The following NCR1 variants were observed in gnomAD, a reference collection of about 807,000 sequenced individuals.
NCR1 encodes the protein natural cytotoxicity triggering receptor 1.
Under a neutral mutation model 32.5 loss-of-function variants are expected in NCR1, and 30 were observed. The ratio of observed to expected loss-of-function variants is 0.92; its 90% CI spans 0.69 to 1.25. The LOEUF is 1.25. Among genes scored for constraint, NCR1 ranks in the 50% most tolerant of loss-of-function variants. NCR1 has a pLI of 0.00. For missense variants in NCR1, 369 were observed against 380.7 expected (o/e 0.97, Z 0.26); for synonymous variants, 169 against 143.4 (o/e 1.18, Z -1.28).
the NCR1 span, among the ~76,000 whole-genome samples, chr19:54,923,143 C>G: frequency 2.0e-5 from 3 of 152,150 alleles, no homozygotes; most frequent in African/African-American, 7.2e-5. Context: ...CCATGGCCCA[C>G]GAGCTGTTTC....
Position 54,906,574 on chromosome 19 carries a change from A to C in NCR1, c.122A>C (p.Lys41Thr). 1 of 1,613,454 alleles carries C rather than the reference A, an allele frequency of 6.2e-7. No individual in the cohort carries two copies. Among genetic ancestry groups the C allele is most frequent in the Non-Finnish European group, 8.5e-7 (1 of 1,180,032 alleles). Residue 41 changes from lysine (K) to threonine (T), a missense_variant, in exon 3 of 7, where the codon AAG becomes ACG. By Grantham distance (78) the Lys-to-Thr change is moderately conservative. Coordinates refer to ENST00000291890, the MANE Select transcript of NCR1 (RefSeq NM_004829.7). ...IWAEPHFMVP[K>T]EKQVTICCQG... The stretch of plus-strand genomic sequence containing the variant: ...GCCGAGCCCCATTTCATGGTTCCAA[A>C]GGAAAAGCAAGTGACCATCTGTTGC...
the NCR1 span, chr19:54,930,806 C>A: frequency 3.9e-5 from 29 of 737,358 alleles, no homozygotes; most frequent in East Asian, 8.0e-4. Flanking sequence ...ACCTCTGCCT[C>A]CCAGGTTCAA....
chr19:54,917,076 C>T (rs115574891), downstream of NCR1, among the ~76,000 whole-genome samples: 1,667 of 152,014 alleles, frequency 0.011, 32 homozygotes, highest in African/African-American at 0.037. Flanking sequence ...GTATTTGACA[C>T]GTTGACCACT....
At chr19:54,928,529 G>A in the NCR1 span, among the ~76,000 whole-genome samples, 1 of 152,136 alleles carries the variant, frequency 6.6e-6, no homozygotes, top group Non-Finnish European at 1.5e-5. Flanking sequence ...ATGTTCTATT[G>A]AAGACAATGG....
chr19:54,936,307 G>A, the NCR1 span: 2 of 1,613,946 alleles, frequency 1.2e-6, no homozygotes, highest in Non-Finnish European at 8.5e-7. Flanking sequence ...AGGTCACACA[G>A]CATCAGCATC....
At chr19:54,925,556 G>C in the NCR1 span, among the ~76,000 whole-genome samples, 624 of 152,030 alleles carry the variant, frequency 4.1e-3, 5 homozygotes, top group Admixed American at 7.6e-3. Flanking sequence ...CTGCAATCCG[G>C]GTACTTTGTG....
downstream of NCR1, among the ~76,000 whole-genome samples, chr19:54,920,910 A>G (rs527283238): frequency 6.6e-6 from 1 of 152,208 alleles, no homozygotes; most frequent in East Asian, 1.9e-4. Flanking sequence ...GTTTGAGACT[A>G]GCCTGGCCAA....
At chr19:54,914,730 C>A (rs558232827), downstream of NCR1, among the ~76,000 whole-genome samples, 2 of 147,930 alleles carry the variant, frequency 1.4e-5, no homozygotes, top group African/African-American at 2.5e-5. Context: ...ACTCCGACTT[C>A]ACAAAGATAG....
the NCR1 span, chr19:54,933,730 G>T: frequency 6.2e-7 from 1 of 1,614,066 alleles, no homozygotes; most frequent in Non-Finnish European, 8.5e-7. Context: ...TAAGACGACA[G>T]TTTTCCAACC....
chr19:54,900,554 C>A, the NCR1 span, among the ~76,000 whole-genome samples: 1 of 151,998 alleles, frequency 6.6e-6, no homozygotes, highest in Non-Finnish European at 1.5e-5. Flanking sequence ...ACATACAGGC[C>A]ACAGGGGGAT....
At chr19:54,918,222 G>A (rs552812467), downstream of NCR1, among the ~76,000 whole-genome samples, 8 of 151,884 alleles carry the variant, frequency 5.3e-5, no homozygotes, top group East Asian at 1.4e-3. Context: ...GTAAGCCACC[G>A]CACCCGGCCT....
downstream of NCR1, among the ~76,000 whole-genome samples, chr19:54,913,729 C>A (rs1417314510): frequency 6.6e-6 from 1 of 151,556 alleles, no homozygotes; most frequent in Non-Finnish European, 1.5e-5. Flanking sequence ...GTCAGGAGTT[C>A]GAGACCAGCC....
the NCR1 span, chr19:54,923,900 C>G: frequency 2.2e-6 from 3 of 1,336,726 alleles, no homozygotes; most frequent in Non-Finnish European, 3.0e-6. Flanking sequence ...CACAAATGTT[C>G]CCAGAAATTC....
upstream of NCR1, among the ~76,000 whole-genome samples, chr19:54,904,888 A>G (rs999944380): frequency 1.3e-5 from 2 of 152,132 alleles, no homozygotes; most frequent in African/African-American, 4.8e-5. Context: ...CTCTAGCTGC[A>G]TCCATGTTGC....
chr19:54,899,058 C>T, the NCR1 span, among the ~76,000 whole-genome samples: 8,561 of 151,796 alleles, frequency 0.056, 305 homozygotes, highest in Admixed American at 0.11. Flanking sequence ...ACGGGACAGG[C>T]GGGAGGGAAA....
chr19:54,935,922 C>T, the NCR1 span, among the ~76,000 whole-genome samples: 3 of 151,798 alleles, frequency 2.0e-5, no homozygotes, highest in Non-Finnish European at 2.9e-5. Flanking sequence ...GTGGAAAAAA[C>T]TGTCTTGTGC....
intron 5 of NCR1, among the ~76,000 whole-genome samples, chr19:54,910,672 CTG>C (rs942847035): frequency 1.3e-5 from 2 of 152,188 alleles, no homozygotes; most frequent in African/African-American, 4.8e-5. Flanking sequence ...GATATCTTGA[CTG>C]TGCAGCACTT....
chr19:54,913,055 CTTTT>C lies in NCR1; in HGVS notation c.*196_*199del, dbSNP rs200118432. On this transcript the variant is annotated 3_prime_UTR_variant, in exon 7 of 7. Transcript: ENST00000291890. ...GGTGGGAGAACTACATGCTAAATTT[CTTTT>C]TTTTTTTTTTTGAGACAGAGTTTTC... 4.3e-3 allele frequency: 1,840 copies of C among 429,588 alleles called. No homozygotes were observed. The highest frequency in any genetic ancestry group is 0.027 in the East Asian group (696 of 26,208). 26.6% of individuals were successfully genotyped at this position (429,588 alleles called of 1,614,324 possible). A position where few individuals can be genotyped will look rare whatever the true frequency, so the allele number is the denominator to read the frequency against.
the NCR1 span, among the ~76,000 whole-genome samples, chr19:54,928,978 G>C: frequency 6.6e-6 from 1 of 152,082 alleles, no homozygotes; most frequent in Admixed American, 6.6e-5. Flanking sequence ...AAGACACCAG[G>C]TAATCCACCC....
Sources: allele counts gnomAD v4.1 joint callset (sites outside exome capture counted in the v4.1 genomes callset), GRCh38; gene constraint gnomAD v4.1.1; transcripts MANE v1.5; gene names NCBI Gene and HGNC (gene_info 2026-07-23, HGNC 2026-07-21).